ELMO1: variants seen among roughly 807,000 people sequenced by gnomAD.
ELMO1 encodes engulfment and cell motility 1.
Under a neutral mutation model 98.9 loss-of-function variants are expected in ELMO1, and 26 were observed. That is an observed-to-expected ratio of 0.26 (90% confidence interval 0.19 to 0.36). ELMO1 has a LOEUF of 0.36. Among genes scored for constraint, ELMO1 ranks in the 10% least tolerant of loss-of-function variants. The pLI is 1.00. For missense variants in ELMO1, 627 were observed against 935.2 expected (o/e 0.67, Z 4.30); for synonymous variants, 346 against 346.0 (o/e 1.00, Z 0.00).
chr7:36,920,331 C>T (rs536003552), intron 16 of ELMO1, among the ~76,000 whole-genome samples: 120 of 152,342 alleles, frequency 7.9e-4, no homozygotes, highest in African/African-American at 2.8e-3. Flanking sequence ...CAACTATCAT[C>T]TGGCAGTGCC....
intron 2 of ELMO1, among the ~76,000 whole-genome samples, chr7:37,335,125 C>T (rs776444272): frequency 1.3e-5 from 2 of 151,776 alleles, no homozygotes; most frequent in East Asian, 1.9e-4. Flanking sequence ...AATTACGTTA[C>T]GTGTGAAATA....
chr7:37,069,686 C>T (rs1010089885), intron 15 of ELMO1, among the ~76,000 whole-genome samples: 14 of 152,090 alleles, frequency 9.2e-5, no homozygotes, highest in African/African-American at 2.9e-4. Flanking sequence ...CAAATGGAAC[C>T]GATCTCCGAT....
chr7:37,394,167 G>A (rs1249728004), intron 1 of ELMO1, among the ~76,000 whole-genome samples: 2 of 152,192 alleles, frequency 1.3e-5, no homozygotes, highest in Admixed American at 1.3e-4. Context: ...TGCCCCAAAG[G>A]AGAGAATGGT....
At chr7:36,966,629 C>A (rs1452307654) in intron 16 of ELMO1, among the ~76,000 whole-genome samples, 1 of 152,226 alleles carries the variant, frequency 6.6e-6, no homozygotes, top group Non-Finnish European at 1.5e-5. Flanking sequence ...TTAATATGAA[C>A]TGTCTTCTTT....
intron 13 of ELMO1, among the ~76,000 whole-genome samples, chr7:37,150,409 C>A (rs77334007): frequency 1.1e-4 from 17 of 150,166 alleles, no homozygotes; most frequent in African/African-American, 4.2e-4. Flanking sequence ...TGAACCCAAC[C>A]GTCCAGAGTC....
intron 4 of ELMO1, among the ~76,000 whole-genome samples, chr7:37,277,825 T>G (rs1179461921): frequency 6.6e-6 from 1 of 152,244 alleles, no homozygotes; most frequent in African/African-American, 2.4e-5. Flanking sequence ...AACAGCACTT[T>G]GTATGCTTCC....
chr7:37,020,675 C>G (rs780881896), intron 15 of ELMO1, among the ~76,000 whole-genome samples: 1 of 144,500 alleles, frequency 6.9e-6, no homozygotes, highest in Non-Finnish European at 1.5e-5. Context: ...AAGAGAGACT[C>G]TGAACCCATT....
Position 37,218,989 on chromosome 7 carries a change from G to T in ELMO1, c.781-2294C>A, listed in dbSNP as rs115673954. Among the ~76,000 whole-genome samples the T allele has an allele frequency of 4.6e-3, 698 of 152,332 alleles. 6 individuals carry two copies. The highest frequency in any genetic ancestry group is 0.016 in the African/African-American group (655 of 41,572). On this transcript the variant is annotated intron_variant, in intron 10 of 21. Transcript: ENST00000310758. Reference sequence around the variant, plus strand: ...GGATCTCACCAACATATTTGCCATTGAAATAGTGAACTGAATAATGGTAAA... The same window carrying T: ...GGATCTCACCAACATATTTGCCATTTAAATAGTGAACTGAATAATGGTAAA...
chr7:37,421,925 G>A (rs1401863304), intron 1 of ELMO1, among the ~76,000 whole-genome samples: 1 of 152,182 alleles, frequency 6.6e-6, no homozygotes, highest in Admixed American at 6.5e-5. Context: ...GGGCAGTGGT[G>A]TTTCTGACCT....
intron 13 of ELMO1, among the ~76,000 whole-genome samples, chr7:37,166,482 T>C (rs1268769508): frequency 1.3e-5 from 2 of 152,190 alleles, no homozygotes; most frequent in African/African-American, 4.8e-5. Flanking sequence ...TTTAGTGCTA[T>C]AAATTTCCCT....
chr7:37,183,234 G>A (rs767746124), intron 13 of ELMO1, among the ~76,000 whole-genome samples: 1 of 152,206 alleles, frequency 6.6e-6, no homozygotes, highest in Non-Finnish European at 1.5e-5. Context: ...CAGGTCTATC[G>A]AGAGTGAGCA....
rs75613031 is a variant in ELMO1, at chr7:36,927,523, C to G, written c.1438-32506G>C. 5.6e-3 allele frequency among the ~76,000 whole-genome samples: 857 copies of G among 152,288 alleles called. 10 individuals carry two copies. The highest frequency in any genetic ancestry group is 0.019 in the African/African-American group (793 of 41,556). On this transcript the variant is annotated intron_variant, in intron 16 of 21. Transcript: ENST00000310758. Reference sequence around the variant, plus strand: ...TGTTTAAATTAGTGCTAGTACAGTTCTAGAGTTTACCTAGGCTGATTCTCA... The same window carrying G: ...TGTTTAAATTAGTGCTAGTACAGTTGTAGAGTTTACCTAGGCTGATTCTCA...
chr7:36,959,070 C>T (rs377282255), intron 16 of ELMO1, among the ~76,000 whole-genome samples: 11 of 152,200 alleles, frequency 7.2e-5, no homozygotes, highest in African/African-American at 2.6e-4. Context: ...GCCATCAAAA[C>T]CTAAAGTCAT....
rs188637840 is a variant in ELMO1 at position 36,989,333 on chromosome 7, G to A, written c.1437+23966C>T. ...GATTCAAGCTCTAGATTCTTTAAGT[G>A]TGATCCACAAGGATCACCTACATTA... is the stretch of plus-strand genomic sequence containing the variant. On this transcript the variant is annotated intron_variant, in intron 16 of 21. Coordinates refer to ENST00000310758, the MANE Select transcript of ELMO1 (RefSeq NM_014800.11). 6.8e-3 allele frequency among the ~76,000 whole-genome samples: 1,039 copies of A among 152,302 alleles called. 42 individuals carry two copies. The highest frequency in any genetic ancestry group is 0.061 in the Admixed American group (932 of 15,292).
chr7:36,872,809 C>A (rs1254682401), intron 19 of ELMO1, among the ~76,000 whole-genome samples: 1 of 152,202 alleles, frequency 6.6e-6, no homozygotes, highest in Non-Finnish European at 1.5e-5. Flanking sequence ...AAAAAACGTT[C>A]TCAAGATTCA....
rs114241588 is a variant in ELMO1, at chr7:37,236,533, A to G, written c.450-3339T>C. Among the ~76,000 whole-genome samples, 1,267 of 152,346 alleles carry G rather than the reference A, an allele frequency of 8.3e-3. 21 individuals carry two copies. Among genetic ancestry groups the G allele is most frequent in the African/African-American group, 0.029 (1,222 of 41,582 alleles). On this transcript the variant is annotated intron_variant, in intron 7 of 21. Transcript: ENST00000310758. ...CAGATAGGAATATATAATAGGACCT[A>G]TTTTATATATTACTAGCATATAATA...
chr7:37,375,199 G>A (rs1802285308), intron 1 of ELMO1, among the ~76,000 whole-genome samples: 1 of 152,140 alleles, frequency 6.6e-6, no homozygotes, highest in Admixed American at 6.5e-5. Flanking sequence ...TCATATTGTA[G>A]CAGATTACAT....
intron 1 of ELMO1, among the ~76,000 whole-genome samples, chr7:37,389,006 A>G (rs1208445424): frequency 6.6e-6 from 1 of 152,236 alleles, no homozygotes; most frequent in African/African-American, 2.4e-5. Flanking sequence ...TTCCCTGAAC[A>G]TGGGAACCAT....
chr7:37,330,291 T>C (rs1800034796), intron 2 of ELMO1, among the ~76,000 whole-genome samples: 5 of 152,242 alleles, frequency 3.3e-5, no homozygotes, highest in Admixed American at 3.3e-4. Flanking sequence ...GCATTTGTAT[T>C]AATATTTTTC....
Sources: gnomAD v4.1 joint callset for allele counts (sites outside exome capture counted in the v4.1 genomes callset) on GRCh38, gnomAD v4.1.1 for gene constraint, MANE v1.5 for transcripts, NCBI Gene and HGNC (gene_info 2026-07-23, HGNC 2026-07-21) for gene names.